SYTL3: variants seen among roughly 807,000 people sequenced by gnomAD.
SYTL3 encodes the protein synaptotagmin-like protein 3.
A neutral mutation model predicts 82.1 loss-of-function variants in SYTL3; 88 were observed. That is an observed-to-expected ratio of 1.07 (90% CI 0.90 to 1.28). SYTL3 has a LOEUF of 1.28. SYTL3 is among the 50% of genes most tolerant of loss of function. The pLI, the probability that SYTL3 is intolerant of heterozygous loss-of-function variation, is 0.00. For missense variants in SYTL3, 831 were observed against 757.6 expected, an observed-to-expected ratio of 1.10 and a Z score of -1.14; for synonymous variants, 311 against 289.4, an observed-to-expected ratio of 1.07 and a Z score of -0.76.
At chr6:158,689,843 G>A (rs560231591) in intron 6 of SYTL3, among the ~76,000 whole-genome samples, 7 of 152,074 alleles carry the variant, frequency 4.6e-5, no homozygotes, top group Admixed American at 3.3e-4. Flanking sequence ...TAGTAGAGAC[G>A]GGGTTTCATT....
In SYTL3 at chr6:158,764,832, A is replaced by G. The variant is rs1790597133; in HGVS notation, c.*228A>G. 2 of 417,534 alleles carry G rather than the reference A, an allele frequency of 4.8e-6. No individual in the cohort carries two copies. Among genetic ancestry groups the G allele is most frequent in the East Asian group, 3.8e-5 (1 of 26,492 alleles). The allele number at this position is 417,534 out of a possible 1,614,324, so 25.9% of individuals were successfully genotyped here. A position where few individuals can be genotyped will look rare whatever the true frequency, so the allele number is the denominator to read the frequency against. On this transcript the variant is annotated 3_prime_UTR_variant, in exon 18 of 18. Transcript: ENST00000611299. The stretch of plus-strand genomic sequence containing the variant: ...GTGGGTTATCTCCTCTTTGAGATGT[A>G]GAAAATGGCCAGATTTTAATAAACG...
At chr6:158,760,842 T>G in intron 15 of SYTL3, 97 bp downstream of exon 15, 2 of 988,802 alleles carry the variant, frequency 2.0e-6, no homozygotes, top group Non-Finnish European at 3.2e-6. Context: ...TTTCTAGCAT[T>G]TCCTTTCTAC....
At chr6:158,714,306 C>G (rs1783100489) in intron 9 of SYTL3, among the ~76,000 whole-genome samples, 2 of 151,568 alleles carry the variant, frequency 1.3e-5, no homozygotes, top group Non-Finnish European at 1.5e-5. Flanking sequence ...GAGCCAAGAT[C>G]ACGCCACTGG....
intron 10 of SYTL3, 90 bp from the exon 11 acceptor site, chr6:158,725,413 A>T: frequency 6.9e-7 from 1 of 1,451,206 alleles, no homozygotes; most frequent in Non-Finnish European, 9.4e-7. Flanking sequence ...AGTAACATCA[A>T]GTCATAGATG....
intron 5 of SYTL3, among the ~76,000 whole-genome samples, chr6:158,681,766 A>G (rs1451761444): frequency 1.3e-5 from 2 of 152,214 alleles, no homozygotes; most frequent in Admixed American, 6.5e-5. Flanking sequence ...GGTCCTCCCA[A>G]GAATCTTCTC....
chr6:158,712,479 C>A (rs1782865874), intron 8 of SYTL3, among the ~76,000 whole-genome samples: 1 of 152,130 alleles, frequency 6.6e-6, no homozygotes, highest in African/African-American at 2.4e-5. Flanking sequence ...ATAGGCTCTC[C>A]TTAAGTCATA....
At chr6:158,668,112 A>G (rs950447023) in intron 5 of SYTL3, among the ~76,000 whole-genome samples, 8 of 152,356 alleles carry the variant, frequency 5.3e-5, no homozygotes, top group Middle Eastern at 3.4e-3. Flanking sequence ...TCCATGTCAT[A>G]TCAGTAAGAA....
intron 8 of SYTL3, among the ~76,000 whole-genome samples, chr6:158,710,898 A>G (rs1782694112): frequency 6.6e-6 from 1 of 151,796 alleles, no homozygotes; most frequent in African/African-American, 2.4e-5. Flanking sequence ...CTCCTGCCTC[A>G]ACCTCCTGAG....
At chr6:158,707,578 A>T (rs942988631) in intron 7 of SYTL3, among the ~76,000 whole-genome samples, 1 of 152,364 alleles carries the variant, frequency 6.6e-6, no homozygotes, top group African/African-American at 2.4e-5. Context: ...AATTGCGCTT[A>T]AGTGAAATTC....
chr6:158,650,589 A>G (rs1787872455), intron 1 of SYTL3, among the ~76,000 whole-genome samples: 2 of 152,140 alleles, frequency 1.3e-5, no homozygotes, highest in Admixed American at 1.3e-4. Context: ...TAATCTCTAA[A>G]TTGCTTGGTA....
intron 5 of SYTL3, among the ~76,000 whole-genome samples, chr6:158,669,533 A>T (rs560206047): frequency 6.6e-6 from 1 of 152,354 alleles, no homozygotes; most frequent in African/African-American, 2.4e-5. Flanking sequence ...AACGGAGCTT[A>T]TATACCATCA....
Position 158,701,473 on chromosome 6 carries a change from ACTGT to A in SYTL3, c.395-5753_395-5750del, listed in dbSNP as rs112111399. Among the ~76,000 whole-genome samples, 342 of 118,506 alleles carry A rather than the reference ACTGT, an allele frequency of 2.9e-3. 2 individuals are homozygous for A. The highest frequency in any genetic ancestry group is 9.7e-3 in the African/African-American group (311 of 32,038). 77.7% of individuals were successfully genotyped at this position (118,506 alleles called of 152,430 possible). On this transcript the variant is annotated intron_variant, in intron 6 of 17. Transcript: ENST00000611299. The stretch of plus-strand genomic sequence containing the variant: ...GTGTGAGCTGGGGTGTACATGAAGG[ACTGT>A]CTGGGGGGAGGAGCCATGGGGAGAG...
At chr6:158,753,602 C>T (rs1376638978) in intron 13 of SYTL3, among the ~76,000 whole-genome samples, 4 of 151,664 alleles carry the variant, frequency 2.6e-5, no homozygotes, top group African/African-American at 7.3e-5. Context: ...TGGTGGCGGG[C>T]GCCTGTAGTC....
chr6:158,681,342 A>C (rs1189086435), intron 5 of SYTL3, among the ~76,000 whole-genome samples: 1 of 152,134 alleles, frequency 6.6e-6, no homozygotes, highest in Non-Finnish European at 1.5e-5. Flanking sequence ...CTGTGCTGTC[A>C]TGCATGTGAC....
intron 5 of SYTL3, among the ~76,000 whole-genome samples, chr6:158,671,981 T>C (rs1226915956): frequency 6.6e-6 from 1 of 152,150 alleles, no homozygotes; most frequent in Non-Finnish European, 1.5e-5. Flanking sequence ...TTTATTTTGA[T>C]TCATTTTTCA....
intron 4 of SYTL3, among the ~76,000 whole-genome samples, chr6:158,664,426 C>T (rs140711226): frequency 1.7e-3 from 259 of 152,138 alleles, no homozygotes; most frequent in African/African-American, 6.0e-3. Flanking sequence ...GCCTGTAATC[C>T]CAGCTACTCA....
chr6:158,646,556 G>C (rs1787476011), upstream of SYTL3, among the ~76,000 whole-genome samples: 1 of 152,192 alleles, frequency 6.6e-6, no homozygotes, highest in African/African-American at 2.4e-5. Flanking sequence ...GGAGGAAGAT[G>C]CAACTACCTG....
rs1462858127 is a variant in SYTL3 at position 158,651,825 on chromosome 6, A to G, written c.-654A>G. 1 of 151,956 alleles carries G rather than the reference A, an allele frequency of 6.6e-6. No individual in the cohort carries two copies. The highest frequency in any genetic ancestry group is 1.5e-5 in the Non-Finnish European group (1 of 67,970). 9.4% of individuals were successfully genotyped at this position (151,956 alleles called of 1,614,324 possible). A position where few individuals can be genotyped will look rare whatever the true frequency, so the allele number is the denominator to read the frequency against. On this transcript the variant is annotated 5_prime_UTR_variant, in exon 2 of 18. Transcript: ENST00000611299. The stretch of plus-strand genomic sequence containing the variant: ...GATCTTTCAGAGAAAGCGCCTGTTC[A>G]ACTTTGTCCTCTCTCAGGTAGGCTT...
upstream of SYTL3, among the ~76,000 whole-genome samples, chr6:158,648,784 C>T (rs1583095048): frequency 6.6e-6 from 1 of 151,870 alleles, no homozygotes; most frequent in African/African-American, 2.4e-5. Context: ...ACGATGAGGA[C>T]GAGGGTGCTG....
Sources: gnomAD v4.1 joint callset for allele counts (sites outside exome capture counted in the v4.1 genomes callset) on GRCh38, gnomAD v4.1.1 for gene constraint, MANE v1.5 for transcripts, NCBI Gene and HGNC (gene_info 2026-07-23, HGNC 2026-07-21) for gene names.